The following PDE1C variants were observed in gnomAD, a reference collection of about 807,000 sequenced individuals.
PDE1C encodes dual specificity calcium/calmodulin-dependent 3',5'-cyclic nucleotide phosphodiesterase 1C.
Under a neutral mutation model 93.1 loss-of-function variants are expected in PDE1C, and 62 were observed. That is an observed-to-expected ratio of 0.67 (90% CI 0.54 to 0.82). The LOEUF (loss-of-function observed/expected upper bound fraction) is 0.82. PDE1C is among the 40% of genes least tolerant of loss of function. The probability of loss-of-function intolerance (pLI) is 0.00; values close to 1 mark genes in which losing one functional copy is unlikely to be tolerated. For synonymous variants in PDE1C, 325 were observed against 310.1 expected (o/e 1.05, Z -0.50); for missense variants, 742 against 884.6 (o/e 0.84, Z 2.04).
chr7:32,385,134 G>A (rs1004952170), intron 1 of PDE1C, among the ~76,000 whole-genome samples: 2 of 152,172 alleles, frequency 1.3e-5, no homozygotes, highest in Non-Finnish European at 2.9e-5. Context: ...CTGAGTGAAC[G>A]AAGGTGGCAT....
At chr7:32,244,737 C>A (rs2128871606) in intron 1 of PDE1C, among the ~76,000 whole-genome samples, 1 of 152,128 alleles carries the variant, frequency 6.6e-6, no homozygotes, top group East Asian at 1.9e-4. Context: ...GTAAAGAAAC[C>A]TGATGCATGG....
At chr7:32,229,591 A>G (rs762402015) in intron 1 of PDE1C, among the ~76,000 whole-genome samples, 5 of 152,212 alleles carry the variant, frequency 3.3e-5, no homozygotes, top group African/African-American at 4.8e-5. Flanking sequence ...CAAGTTCTTC[A>G]GAGGTGAACT....
At chr7:31,991,394 A>G (rs1398979128) in intron 2 of PDE1C, among the ~76,000 whole-genome samples, 1 of 152,198 alleles carries the variant, frequency 6.6e-6, no homozygotes, top group Non-Finnish European at 1.5e-5. Context: ...CTCTCGTGCT[A>G]TACAAAGGAA....
chr7:32,122,942 T>C (rs1056797907), intron 3 of PDE1C, among the ~76,000 whole-genome samples: 3 of 151,558 alleles, frequency 2.0e-5, no homozygotes, highest in African/African-American at 7.3e-5. Flanking sequence ...TTTTAAGAAA[T>C]TAACAAAATA....
intron 2 of PDE1C, among the ~76,000 whole-genome samples, chr7:31,933,565 T>C (rs1008794810): frequency 2.0e-5 from 3 of 152,214 alleles, no homozygotes; most frequent in Non-Finnish European, 2.9e-5. Context: ...GGATGACACT[T>C]GATATACAGT....
chr7:32,310,317 C>G (rs1264804372), intron 1 of PDE1C, among the ~76,000 whole-genome samples: 1 of 152,012 alleles, frequency 6.6e-6, no homozygotes, highest in Non-Finnish European at 1.5e-5. Context: ...CTTTAACACC[C>G]CACTGTCAAC....
chr7:31,655,943 A>T, the PDE1C span: 1 of 985,290 alleles, frequency 1.0e-6, no homozygotes, highest in Non-Finnish European at 1.2e-6. Flanking sequence ...TTTCCTGCTC[A>T]TCCCTCAGAT....
At chr7:31,851,030 TC>T (rs1350003714) in intron 7 of PDE1C, 1 of 308,202 alleles carries the variant, frequency 3.2e-6, no homozygotes, top group Admixed American at 4.4e-5. Context: ...CATTGCATCC[TC>T]CCCCAACTTC....
At chr7:32,308,073 G>T (rs538366123) in intron 1 of PDE1C, among the ~76,000 whole-genome samples, 1 of 152,364 alleles carries the variant, frequency 6.6e-6, no homozygotes, top group Admixed American at 6.5e-5. Context: ...GGCACACCAG[G>T]AGATTATATC....
At chr7:32,262,005 ATTTTTTTTTTTTTTT>A (rs11325736) in intron 1 of PDE1C, among the ~76,000 whole-genome samples, 1 of 89,778 alleles carries the variant, frequency 1.1e-5, no homozygotes, top group African/African-American at 4.1e-5. Context: ...TTGCTTTGGG[ATTTTTTTTTTTTTTT>A]TTTTTTTTTT....
At chr7:31,784,604 A>C (rs1447596694) in intron 16 of PDE1C, 1 of 152,116 alleles carries the variant, frequency 6.6e-6, no homozygotes. Context: ...TGAAGGGTAG[A>C]AAAATGGGAG....
At chr7:32,117,234 G>C (rs186793218) in intron 3 of PDE1C, among the ~76,000 whole-genome samples, 9 of 152,256 alleles carry the variant, frequency 5.9e-5, no homozygotes, top group Non-Finnish European at 1.3e-4. Flanking sequence ...ATCTCAAGCA[G>C]TTTGTCTAGA....
intron 2 of PDE1C, among the ~76,000 whole-genome samples, chr7:32,174,625 G>A (rs1802867286): frequency 6.6e-6 from 1 of 152,146 alleles, no homozygotes; most frequent in Admixed American, 6.5e-5. Flanking sequence ...CCAGAGATCG[G>A]GTCAGAGGCT....
the PDE1C span, among the ~76,000 whole-genome samples, chr7:31,685,974 C>A: frequency 2.6e-5 from 4 of 152,206 alleles, no homozygotes; most frequent in Middle Eastern, 3.2e-3. Context: ...TACTATGGTT[C>A]TAGCCCTGTT....
the PDE1C span, among the ~76,000 whole-genome samples, chr7:31,691,958 G>A: frequency 6.6e-6 from 1 of 152,118 alleles, no homozygotes; most frequent in Non-Finnish European, 1.5e-5. Context: ...TAATAGATGT[G>A]TGACTAAATT....
intron 17 of PDE1C, among the ~76,000 whole-genome samples, chr7:31,775,366 C>T (rs1584021115): frequency 1.3e-5 from 2 of 152,116 alleles, no homozygotes; most frequent in Non-Finnish European, 1.5e-5. Flanking sequence ...TTCCCTTGCA[C>T]GATCTGCCTC....
intron 2 of PDE1C, among the ~76,000 whole-genome samples, chr7:32,043,701 T>G (rs1186773991): frequency 6.6e-6 from 1 of 152,140 alleles, no homozygotes; most frequent in Non-Finnish European, 1.5e-5. Context: ...CTCTCAGTGT[T>G]TCCACCCAAA....
chr7:32,122,110 C>A (rs374927023), intron 3 of PDE1C, among the ~76,000 whole-genome samples: 12 of 151,820 alleles, frequency 7.9e-5, no homozygotes, highest in Admixed American at 1.3e-4. Context: ...CAACAAAGAT[C>A]AAAAAAGAAA....
At chr7:32,081,580 G>C (rs1348456250) in intron 3 of PDE1C, among the ~76,000 whole-genome samples, 2 of 152,234 alleles carry the variant, frequency 1.3e-5, no homozygotes, top group Non-Finnish European at 2.9e-5. Context: ...CACTCTGCCA[G>C]ATCAATGCTC....
Sources: gnomAD v4.1 joint callset for allele counts (sites outside exome capture counted in the v4.1 genomes callset) on GRCh38, gnomAD v4.1.1 for gene constraint, MANE v1.5 for transcripts, NCBI Gene and HGNC (gene_info 2026-07-23, HGNC 2026-07-21) for gene names.